The following PAM variants were observed in gnomAD, a reference collection of about 807,000 sequenced individuals.
PAM encodes the protein peptidylglycine alpha-amidating monooxygenase.
Under a neutral mutation model 122.1 loss-of-function variants are expected in PAM, and 72 were observed. The observed-to-expected ratio is 0.59, with a 90% CI of 0.49 to 0.72. PAM has a LOEUF of 0.72. Ranked by LOEUF, PAM falls within the 30% of genes least tolerant of loss-of-function variation. The pLI, the probability that PAM is intolerant of heterozygous loss-of-function variation, is 0.00. For synonymous variants in PAM, 389 were observed against 404.4 expected (o/e 0.96, Z 0.46); for missense variants, 1,106 against 1,183.7 (o/e 0.93, Z 0.96).
At chr5:102,795,304 T>G (rs1159077196) in intron 1 of PAM, among the ~76,000 whole-genome samples, 2 of 152,100 alleles carry the variant, frequency 1.3e-5, no homozygotes, top group Non-Finnish European at 1.5e-5. Context: ...ACTGATGTCT[T>G]TCTCTGCACA....
intron 1 of PAM, among the ~76,000 whole-genome samples, chr5:102,831,276 G>A (rs148832159): frequency 6.6e-6 from 1 of 151,976 alleles, no homozygotes; most frequent in African/African-American, 2.4e-5. Context: ...TAAGACTTTT[G>A]ACATTTTTAT....
At chr5:102,841,303 C>T (rs1245885258) in intron 1 of PAM, among the ~76,000 whole-genome samples, 2 of 151,890 alleles carry the variant, frequency 1.3e-5, no homozygotes, top group African/African-American at 4.8e-5. Flanking sequence ...GACAGTTGTC[C>T]TCTGCACTTA....
At chr5:102,916,628 A>T (rs563828907) in intron 5 of PAM, among the ~76,000 whole-genome samples, 1,327 of 113,506 alleles carry the variant, frequency 0.012, 10 homozygotes, top group Non-Finnish European at 0.015. Flanking sequence ...AGGCCTTTTT[A>T]TATATATATA....
chr5:103,013,610 A>G (rs771019614), intron 21 of PAM, among the ~76,000 whole-genome samples: 2 of 152,164 alleles, frequency 1.3e-5, no homozygotes, highest in Non-Finnish European at 2.9e-5. Flanking sequence ...TAACGGTGGT[A>G]AAAGTAAAAT....
chr5:102,982,180 G>A (rs1326873466), intron 15 of PAM, among the ~76,000 whole-genome samples: 5 of 152,084 alleles, frequency 3.3e-5, no homozygotes, highest in Non-Finnish European at 5.9e-5. Flanking sequence ...GGGGTCTAAG[G>A]ATGGGTCTGT....
At chr5:102,808,371 T>A (rs1053080007) in intron 1 of PAM, 1 of 152,232 alleles carries the variant, frequency 6.6e-6, no homozygotes, top group Admixed American at 6.5e-5. Context: ...AACAGATTTG[T>A]AGTTTGTACT....
chr5:102,839,747 A>C (rs976099536), intron 1 of PAM, among the ~76,000 whole-genome samples: 1 of 152,150 alleles, frequency 6.6e-6, no homozygotes, highest in Non-Finnish European at 1.5e-5. Flanking sequence ...AAAATCTATT[A>C]AGGTAATTTC....
At chr5:102,997,349 C>CA (rs1207874324) in intron 16 of PAM, among the ~76,000 whole-genome samples, 1 of 151,948 alleles carries the variant, frequency 6.6e-6, no homozygotes, top group East Asian at 1.9e-4. Context: ...GGGAGACCCC[C>CA]ATCTCAACAA....
intron 4 of PAM, among the ~76,000 whole-genome samples, chr5:102,905,379 A>G (rs1208051635): frequency 6.6e-6 from 1 of 151,722 alleles, no homozygotes; most frequent in African/African-American, 2.4e-5. Flanking sequence ...GATAGAAGCC[A>G]TTGAATTTAG....
intron 7 of PAM, among the ~76,000 whole-genome samples, chr5:102,928,175 C>A (rs1750257141): frequency 6.6e-6 from 1 of 152,186 alleles, no homozygotes; most frequent in Admixed American, 6.5e-5. Flanking sequence ...TAATCTCTAC[C>A]CTCTATAAAA....
intron 12 of PAM, among the ~76,000 whole-genome samples, chr5:102,958,174 C>G (rs879440198): frequency 3.3e-5 from 5 of 151,922 alleles, no homozygotes; most frequent in Non-Finnish European, 7.4e-5. Flanking sequence ...ATTGGCATTC[C>G]CAAAAAGAGA....
chr5:102,998,260 G>C (rs1346936708), intron 16 of PAM, among the ~76,000 whole-genome samples: 1 of 152,064 alleles, frequency 6.6e-6, no homozygotes, highest in Non-Finnish European at 1.5e-5. Context: ...AGATCAAAGG[G>C]GCAGTTATCT....
intron 3 of PAM, among the ~76,000 whole-genome samples, chr5:102,871,001 C>T (rs1226499976): frequency 6.6e-6 from 1 of 152,142 alleles, no homozygotes; most frequent in Non-Finnish European, 1.5e-5. Flanking sequence ...GTTAACTATC[C>T]CTTTGGTGTT....
chr5:102,924,717 A>G (rs778254632), intron 5 of PAM, among the ~76,000 whole-genome samples: 5 of 151,224 alleles, frequency 3.3e-5, no homozygotes, highest in Admixed American at 6.6e-5. Flanking sequence ...TATCTCCCTC[A>G]CAGGATTGTT....
intron 1 of PAM, among the ~76,000 whole-genome samples, chr5:102,805,747 C>T (rs1046076696): frequency 6.6e-6 from 1 of 152,084 alleles, no homozygotes; most frequent in African/African-American, 2.4e-5. Flanking sequence ...TTAGTGAAGT[C>T]GTGGAAGGAA....
At chr5:102,913,909 T>C in intron 4 of PAM, 25 bp from the exon 5 acceptor site, 1 of 1,316,958 alleles carries the variant, frequency 7.6e-7, no homozygotes, top group Non-Finnish European at 1.1e-6. Flanking sequence ...TGTATTCACA[T>C]ACATGTATTA....
intron 21 of PAM, among the ~76,000 whole-genome samples, chr5:103,010,760 ATTT>A (rs968428412): frequency 6.6e-6 from 1 of 152,146 alleles, no homozygotes; most frequent in African/African-American, 2.4e-5. Context: ...TCAATATTAT[ATTT>A]TTAATTAAAT....
At chr5:103,002,532 T>A (rs1193385943) in intron 16 of PAM, among the ~76,000 whole-genome samples, 1 of 152,170 alleles carries the variant, frequency 6.6e-6, no homozygotes, top group East Asian at 1.9e-4. Flanking sequence ...AATATGTATA[T>A]GCATGTTGTA....
At chr5:102,930,626 A>G (rs960361037) in intron 7 of PAM, among the ~76,000 whole-genome samples, 1 of 152,188 alleles carries the variant, frequency 6.6e-6, no homozygotes. Flanking sequence ...GATCCTTGCT[A>G]GGACTTGATT....
Sources: gnomAD v4.1 joint callset for allele counts (sites outside exome capture counted in the v4.1 genomes callset) on GRCh38, gnomAD v4.1.1 for gene constraint, MANE v1.5 for transcripts, NCBI Gene and HGNC (gene_info 2026-07-23, HGNC 2026-07-21) for gene names.